Variants in LRP6 observed in about 807,000 individuals in gnomAD.
LRP6 encodes LDL receptor related protein 6.
LRP6 carries 43 observed loss-of-function variants against 184.1 expected under a neutral mutation model. The observed-to-expected ratio is 0.23, with a 90% CI of 0.18 to 0.30. The LOEUF (loss-of-function observed/expected upper bound fraction) is 0.30. Among genes scored for constraint, LRP6 ranks in the 10% least tolerant of loss-of-function variants. LRP6 has a pLI of 1.00. For missense variants in LRP6, 1,571 were observed against 2,005.3 expected, an observed-to-expected ratio of 0.78 and a Z score of 4.14; for synonymous variants, 719 against 684.9, an observed-to-expected ratio of 1.05 and a Z score of -0.78.
At chr12:12,158,123 T>C (rs894095691) in intron 12 of LRP6, among the ~76,000 whole-genome samples, 3 of 152,226 alleles carry the variant, frequency 2.0e-5, no homozygotes, top group Non-Finnish European at 2.9e-5. Flanking sequence ...CATGTTCTCA[T>C]ACGCGTTTTC....
chr12:12,232,071 T>C (rs1864805582), intron 2 of LRP6, among the ~76,000 whole-genome samples: 1 of 151,710 alleles, frequency 6.6e-6, no homozygotes, highest in African/African-American at 2.4e-5. Context: ...ATTTACTGTA[T>C]ATAAATTATA....
chr12:12,225,258 A>C (rs1301010641), intron 2 of LRP6, among the ~76,000 whole-genome samples: 1 of 152,120 alleles, frequency 6.6e-6, no homozygotes, highest in Non-Finnish European at 1.5e-5. Flanking sequence ...TCGTTACTCT[A>C]TCCTAATAGT....
At chr12:12,257,779 C>CAAAAAAA (rs1163180718) in intron 1 of LRP6, among the ~76,000 whole-genome samples, 926 of 35,308 alleles carry the variant, frequency 0.026, 103 homozygotes, top group East Asian at 0.047. Flanking sequence ...CCTGTCTCTA[C>CAAAAAAA]AAAAAAAAAA....
rs1862672723 is a variant in LRP6 at position 12,159,095 on chromosome 12, T to C, written c.2525A>G (p.Gln842Arg). Reference protein sequence around the residue: ...LPHPFGLTQYQDYIYWTDWSR... With the variant: ...LPHPFGLTQYRDYIYWTDWSR... ...CCAGTCCGTCCAGTAGATATAATCT[T>C]GGTACTGAGTTAAGCCAAAAGGATG... Residue 842 changes from glutamine (Q) to arginine (R), a missense_variant, in exon 12 of 23, where the codon CAA becomes CGA. This residue lies in a region of LRP6 where 158 missense variants were observed against 258.4 expected (regional missense o/e 0.61). Coordinates refer to ENST00000261349, the MANE Select transcript of LRP6 (RefSeq NM_002336.3). The C allele has an allele frequency of 6.2e-7, 1 of 1,614,186 alleles. No homozygotes were observed. Among genetic ancestry groups the C allele is most frequent in the African/African-American group, 1.3e-5 (1 of 75,036 alleles).
rs576548150 is a variant in LRP6 at position 12,228,164 on chromosome 12, A to G, written c.449+16098T>C. Reference sequence around the variant, plus strand: ...GGCAGGGGGATCACCTGAGGTCGGGAGCTCAGGACCAGCCTGGCCAACATG... The same window carrying G: ...GGCAGGGGGATCACCTGAGGTCGGGGGCTCAGGACCAGCCTGGCCAACATG... On this transcript the variant is annotated intron_variant, in intron 2 of 22. Transcript: ENST00000261349. Among the ~76,000 whole-genome samples, 16 of 152,296 alleles carry G rather than the reference A, an allele frequency of 1.1e-4. 1 individual carries two copies. The South Asian group carries it at 3.3e-3, about 32-fold the overall frequency.
Position 12,266,961 on chromosome 12 carries a change from T to A in LRP6, c.-226A>T. On this transcript the variant is annotated 5_prime_UTR_variant, in exon 1 of 23. An upstream start codon of the reference 5' UTR is lost. Transcript: ENST00000261349. ...CGCGCGACGCCAGCGTCTGCTTCCATCCCGCCGCCTCCTCCCCCGGCGCCC... is the reference window on the plus strand; with the variant it reads ...CGCGCGACGCCAGCGTCTGCTTCCAACCCGCCGCCTCCTCCCCCGGCGCCC... The A allele has an allele frequency of 3.7e-6, 2 of 541,760 alleles. No individual in the cohort carries two copies. The highest frequency in any genetic ancestry group is 6.4e-6 in the Non-Finnish European group (2 of 310,786). 33.6% of individuals were successfully genotyped at this position (541,760 alleles called of 1,614,324 possible). A position where few individuals can be genotyped will look rare whatever the true frequency, so the allele number is the denominator to read the frequency against.
chr12:12,184,504 A>G (rs1205433136), intron 4 of LRP6, among the ~76,000 whole-genome samples: 1 of 152,256 alleles, frequency 6.6e-6, no homozygotes, highest in Non-Finnish European at 1.5e-5. Flanking sequence ...GAATTGAAGA[A>G]GAGCTTTGTG....
At chr12:12,162,486 G>C in intron 9 of LRP6, 67 bp from the exon 10 acceptor site, 1 of 1,425,934 alleles carries the variant, frequency 7.0e-7, no homozygotes, top group Non-Finnish European at 9.9e-7. Context: ...AAGAAGGTTT[G>C]GTTTGGTTTT....
rs772475724 is a variant in LRP6 at position 12,183,945 on chromosome 12, T to C, written c.976+35A>G. ...ACAAATCATGAAGAATTCCAATAGT[T>C]ATAAAATTTTTCATTTTGGATAATA... is the stretch of plus-strand genomic sequence containing the variant. On this transcript the variant is annotated intron_variant, in intron 5 of 22. Transcript: ENST00000261349. The C allele has an allele frequency of 1.9e-6, 3 of 1,592,634 alleles. No individual in the cohort carries two copies. The East Asian group carries it at 6.7e-5, about 36-fold the overall frequency.
intron 2 of LRP6, among the ~76,000 whole-genome samples, chr12:12,227,782 T>C (rs376841443): frequency 8.5e-5 from 13 of 152,260 alleles, no homozygotes; most frequent in African/African-American, 3.1e-4. Flanking sequence ...GTCAATGATT[T>C]TAGCTTATAT....
chr12:12,218,635 C>G (rs1048939602), intron 2 of LRP6, among the ~76,000 whole-genome samples: 1 of 151,864 alleles, frequency 6.6e-6, no homozygotes, highest in Non-Finnish European at 1.5e-5. Flanking sequence ...ATAAGACATG[C>G]CTATACACCC....
At chr12:12,226,262 C>T (rs1591965114) in intron 2 of LRP6, among the ~76,000 whole-genome samples, 2 of 152,302 alleles carry the variant, frequency 1.3e-5, no homozygotes, top group African/African-American at 4.8e-5. Flanking sequence ...TTCCTTTTAT[C>T]TGATATATCA....
In LRP6 at chr12:12,159,918, CTCTG is replaced by C. The variant is rs1398181393; in HGVS notation, c.2322_2325del (p.Asp774GlufsTer12). 6.2e-7 allele frequency: 1 copy of C among 1,614,012 alleles called. No individual in the cohort carries two copies. The highest frequency in any genetic ancestry group is 8.5e-7 in the Non-Finnish European group (1 of 1,179,940). ...GTACGTTCACTTCCATCCATTGCAG[CTCTG>C]TCTATCTTAGGTTTTCCACCCCATT... is the stretch of plus-strand genomic sequence containing the variant. On this transcript the variant is annotated frameshift_variant, in exon 11 of 23. Coordinates refer to ENST00000261349, the MANE Select transcript of LRP6 (RefSeq NM_002336.3). LOFTEE classifies it high-confidence loss of function.
chr12:12,125,638 T>C (rs1470458249), intron 20 of LRP6, among the ~76,000 whole-genome samples: 1 of 152,178 alleles, frequency 6.6e-6, no homozygotes, highest in Admixed American at 6.5e-5. Flanking sequence ...TTGAAAGAGC[T>C]GGCCTAGAAC....
intron 2 of LRP6, among the ~76,000 whole-genome samples, chr12:12,212,424 C>T (rs144804864): frequency 2.6e-5 from 4 of 152,290 alleles, no homozygotes; most frequent in African/African-American, 9.6e-5. Flanking sequence ...CATAATATTT[C>T]TACTGACTAA....
chr12:12,233,295 G>A (rs757090381), intron 2 of LRP6, among the ~76,000 whole-genome samples: 18 of 151,930 alleles, frequency 1.2e-4, no homozygotes, highest in African/African-American at 4.4e-4. Flanking sequence ...CTGAAACCCC[G>A]CCTCTACTAA....
intron 7 of LRP6, among the ~76,000 whole-genome samples, chr12:12,168,697 GA>G (rs975087841): frequency 6.1e-4 from 93 of 152,200 alleles, no homozygotes; most frequent in African/African-American, 2.1e-3. Context: ...GTAGAATTAT[GA>G]AAAAAATAAA....
rs764423966 is a variant in LRP6 at position 12,149,171 on chromosome 12, TAC to T, written c.2995-20_2995-19del. The T allele has an allele frequency of 1.2e-6, 2 of 1,606,740 alleles. No homozygotes were observed. The highest frequency in any genetic ancestry group is 2.7e-5 in the African/African-American group (2 of 74,802). The stretch of plus-strand genomic sequence containing the variant: ...GTAAAGCCCTAGGGAAAAAAAGAAA[TAC>T]AGAGAAAATTAAACTCCAGGGGCAG... On this transcript the variant is annotated intron_variant, in intron 13 of 22. Coordinates refer to ENST00000261349, the MANE Select transcript of LRP6 (RefSeq NM_002336.3).
At chr12:12,255,620 G>C (rs1865443928) in intron 1 of LRP6, among the ~76,000 whole-genome samples, 1 of 146,868 alleles carries the variant, frequency 6.8e-6, no homozygotes, top group African/African-American at 2.6e-5. Flanking sequence ...ATCCAGGCTG[G>C]AGTGCAGTGG....
Sources: allele counts gnomAD v4.1 joint callset (sites outside exome capture counted in the v4.1 genomes callset), GRCh38; gene constraint gnomAD v4.1.1; regional missense constraint gnomAD v4.1.1; transcripts MANE v1.5; gene names NCBI Gene and HGNC (gene_info 2026-07-23, HGNC 2026-07-21).